NGLY1: variants seen among roughly 807,000 people sequenced by gnomAD.
NGLY1 encodes the protein N-glycanase 1.
NGLY1 carries 68 observed loss-of-function variants against 84.6 expected under a neutral mutation model. The ratio of observed to expected loss-of-function variants is 0.80; its 90% CI spans 0.66 to 0.98. The LOEUF is 0.98. Among genes scored for constraint, NGLY1 ranks in the 50% least tolerant of loss-of-function variants. The pLI is 0.00. For synonymous variants in NGLY1, 280 were observed against 275.2 expected, an observed-to-expected ratio of 1.02 and a Z score of -0.17; for missense variants, 779 against 770.2, an observed-to-expected ratio of 1.01 and a Z score of -0.14.
intron 2 of NGLY1, among the ~76,000 whole-genome samples, chr3:25,774,250 C>T (rs1708041233): frequency 6.6e-6 from 1 of 152,172 alleles, no homozygotes; most frequent in Non-Finnish European, 1.5e-5. Context: ...GGCCCCCAGC[C>T]AGAAGGTGAT....
chr3:25,787,700 C>T (rs369169604), upstream of NGLY1, among the ~76,000 whole-genome samples: 3 of 152,296 alleles, frequency 2.0e-5, no homozygotes, highest in African/African-American at 7.2e-5. Flanking sequence ...ACCATGAAGG[C>T]TAGCATATGG....
rs572676429 is a variant in NGLY1 at position 25,762,865 on chromosome 3, A to C, written c.492+1201T>G. Among the ~76,000 whole-genome samples the C allele has an allele frequency of 2.6e-5, 4 of 152,316 alleles. No individual in the cohort carries two copies. In the East Asian group the frequency reaches 5.8e-4, roughly 22 times the overall value. Reference sequence around the variant, plus strand: ...GCTACTCGGGAGGCGCAGGCTATAGAATCTCTTGAACCCAGGAGGTGGGGG... The same window carrying C: ...GCTACTCGGGAGGCGCAGGCTATAGCATCTCTTGAACCCAGGAGGTGGGGG... On this transcript the variant is annotated intron_variant, in intron 3 of 11. Coordinates refer to ENST00000280700, the MANE Select transcript of NGLY1 (RefSeq NM_018297.4).
chr3:25,722,471 C>T (rs1049244932), intron 10 of NGLY1, among the ~76,000 whole-genome samples: 2 of 152,130 alleles, frequency 1.3e-5, no homozygotes, highest in Admixed American at 1.3e-4. Flanking sequence ...ATTCTAATCA[C>T]CATCTATTTG....
chr3:25,762,140 G>C (rs962669210), intron 3 of NGLY1, among the ~76,000 whole-genome samples: 6 of 151,334 alleles, frequency 4.0e-5, no homozygotes, highest in Non-Finnish European at 8.8e-5. Flanking sequence ...CATTTTACTT[G>C]ATATAGTTTT....
chr3:25,767,269 G>A (rs1286892074), intron 2 of NGLY1, among the ~76,000 whole-genome samples: 2 of 150,912 alleles, frequency 1.3e-5, no homozygotes, highest in East Asian at 3.9e-4. Flanking sequence ...TCCAGCCTGG[G>A]CGATAGAACT....
At chr3:25,723,789 C>T (rs1017674212) in intron 10 of NGLY1, among the ~76,000 whole-genome samples, 2 of 152,102 alleles carry the variant, frequency 1.3e-5, no homozygotes, top group Admixed American at 6.5e-5. Context: ...TCTGTAAGCT[C>T]GGTTTTGTAA....
chr3:25,719,757 C>A, intron 11 of NGLY1, 122 bp from the exon 12 acceptor site: 6 of 776,262 alleles, frequency 7.7e-6, no homozygotes, highest in Non-Finnish European at 1.2e-5. Flanking sequence ...AAAATAAATA[C>A]AAATTATTCT....
At chr3:25,753,702 G>A (rs902126540) in intron 3 of NGLY1, among the ~76,000 whole-genome samples, 1 of 151,568 alleles carries the variant, frequency 6.6e-6, no homozygotes, top group African/African-American at 2.4e-5. Flanking sequence ...AACTCTTAAA[G>A]GAATAAACCT....
chr3:25,720,324 G>T, intron 10 of NGLY1, 133 bp from the exon 11 acceptor site: 1 of 644,900 alleles, frequency 1.6e-6, no homozygotes, highest in Non-Finnish European at 2.4e-6. Context: ...ACTTTTCCCT[G>T]TTGAAAAGGT....
In NGLY1 at chr3:25,733,958, A is replaced by C. The variant is rs766571083; in HGVS notation, c.1174T>G (p.Ser392Ala). The change falls in exon 8 of 12, where the codon TCC (serine) becomes GCC (alanine). Residue 392 changes from serine to alanine, a missense_variant. Coordinates refer to ENST00000280700, the MANE Select transcript of NGLY1 (RefSeq NM_018297.4). ...DEVVDVTWRYSCKHEEVIARR... is the reference protein window; with the variant it reads ...DEVVDVTWRYACKHEEVIARR... ...GCAATCACCTCTTCATGTTTGCAGG[A>C]ATATCGCCAAGTGACATCAACTACC... The C allele has an allele frequency of 6.2e-7, 1 of 1,613,742 alleles. No homozygotes were observed. The highest frequency in any genetic ancestry group is 2.2e-5 in the East Asian group (1 of 44,838).
At chr3:25,777,450 A>C (rs558101343) in intron 2 of NGLY1, among the ~76,000 whole-genome samples, 1 of 151,960 alleles carries the variant, frequency 6.6e-6, no homozygotes, top group South Asian at 2.1e-4. Context: ...ACTTAAAATA[A>C]AGTCTAAGTC....
intron 10 of NGLY1, among the ~76,000 whole-genome samples, chr3:25,728,056 T>C (rs779507877): frequency 1.3e-5 from 2 of 152,156 alleles, no homozygotes; most frequent in Non-Finnish European, 2.9e-5. Context: ...TTTCTTTAGC[T>C]AAAGAAGAAA....
chr3:25,778,441 A>G, intron 2 of NGLY1, 133 bp downstream of exon 2: 1 of 482,028 alleles, frequency 2.1e-6, no homozygotes, highest in East Asian at 3.4e-5. Context: ...CAATCAATGA[A>G]GAAATAACTA....
intron 3 of NGLY1, among the ~76,000 whole-genome samples, chr3:25,752,861 A>G (rs1202927818): frequency 6.6e-6 from 1 of 151,792 alleles, no homozygotes; most frequent in East Asian, 1.9e-4. Context: ...GAAAGCATAG[A>G]TGGTGTCAAA....
intron 10 of NGLY1, among the ~76,000 whole-genome samples, chr3:25,724,343 T>G (rs893353425): frequency 6.6e-6 from 1 of 152,222 alleles, no homozygotes; most frequent in Non-Finnish European, 1.5e-5. Flanking sequence ...AGCAGCTGTA[T>G]TTCAAGGAAT....
rs150281491 is a variant in NGLY1, at chr3:25,764,224, T to G, written c.334A>C (p.Arg112=). The stretch of plus-strand genomic sequence containing the variant: ...TGGCTCTTATTTGAGCCATCCAGTC[T>G]GCTACTTCTCTCTATGGCAATCAGG... The part of the protein sequence containing the change: ...RDLIAIERSS[R]LDGSNKSHKV... Residue 112 remains arginine, a synonymous_variant, in exon 3 of 12, where the codon AGA becomes CGA. Coordinates refer to ENST00000280700, the MANE Select transcript of NGLY1 (RefSeq NM_018297.4). 101 of 1,614,192 alleles carry G rather than the reference T, an allele frequency of 6.3e-5. No individual in the cohort carries two copies. In the African/African-American group the frequency reaches 1.1e-3, roughly 18 times the overall value.
rs2125441093 is a variant in NGLY1 at position 25,719,396 on chromosome 3, T to A, written c.*64A>T. 5 of 1,464,242 alleles carry A rather than the reference T, an allele frequency of 3.4e-6. No homozygotes were observed. The East Asian group carries it at 1.1e-4, about 33-fold the overall frequency. The allele number at this position is 1,464,242 out of a possible 1,614,324, so 90.7% of individuals were successfully genotyped here. A position where few individuals can be genotyped will look rare whatever the true frequency, so the allele number is the denominator to read the frequency against. The stretch of plus-strand genomic sequence containing the variant: ...TGGTAACTGCCAACTAAGCATGCAC[T>A]GAACCAACAGACTACTTCAGTAAGT... On this transcript the variant is annotated 3_prime_UTR_variant, in exon 12 of 12. Transcript: ENST00000280700.
intron 3 of NGLY1, among the ~76,000 whole-genome samples, chr3:25,761,127 G>C (rs535437967): frequency 6.6e-6 from 1 of 151,916 alleles, no homozygotes; most frequent in African/African-American, 2.4e-5. Flanking sequence ...GTAATTTCTA[G>C]AGTGATAAAG....
At chr3:25,735,911 T>G in intron 7 of NGLY1, 93 bp downstream of exon 7, 1 of 1,084,642 alleles carries the variant, frequency 9.2e-7, no homozygotes, top group Middle Eastern at 2.3e-4. Flanking sequence ...TATATGCAGG[T>G]TATTGTATGT....
Sources: allele counts gnomAD v4.1 joint callset (sites outside exome capture counted in the v4.1 genomes callset), GRCh38; gene constraint gnomAD v4.1.1; transcripts MANE v1.5; gene names NCBI Gene and HGNC (gene_info 2026-07-23, HGNC 2026-07-21).